The following PRKCE variants were observed in gnomAD, a reference collection of about 807,000 sequenced individuals.
The protein encoded by PRKCE is protein kinase C epsilon, also known as protein kinase C epsilon type.
A neutral mutation model predicts 85.4 loss-of-function variants in PRKCE; 16 were observed. The observed-to-expected ratio is 0.19, with a 90% CI of 0.13 to 0.28. The LOEUF (loss-of-function observed/expected upper bound fraction) is 0.28, where lower values mean the gene tolerates loss of function less well. Ranked by LOEUF, PRKCE falls within the 10% of genes least tolerant of loss-of-function variation. The pLI is 1.00. For missense variants in PRKCE, 573 were observed against 975.2 expected (o/e 0.59, Z 5.49); for synonymous variants, 388 against 371.5 (o/e 1.04, Z -0.51).
chr2:45,820,063 T>C (rs1689397627), intron 1 of PRKCE, among the ~76,000 whole-genome samples: 1 of 152,010 alleles, frequency 6.6e-6, no homozygotes, highest in Non-Finnish European at 1.5e-5. Context: ...CAGAGCAAAA[T>C]AAAGGAGGAT....
At chr2:46,086,624 T>C (rs1467279079) in intron 11 of PRKCE, among the ~76,000 whole-genome samples, 1 of 152,226 alleles carries the variant, frequency 6.6e-6, no homozygotes, top group Non-Finnish European at 1.5e-5. Context: ...AAAGGCTTGG[T>C]GCCAGGTGAC....
At chr2:45,820,980 C>T (rs936788564) in intron 1 of PRKCE, among the ~76,000 whole-genome samples, 1 of 151,960 alleles carries the variant, frequency 6.6e-6, no homozygotes, top group Non-Finnish European at 1.5e-5. Flanking sequence ...TTGGGTCTGG[C>T]GACAAATCAC....
chr2:45,791,478 A>G (rs1687026690), intron 1 of PRKCE, among the ~76,000 whole-genome samples: 1 of 152,174 alleles, frequency 6.6e-6, no homozygotes, highest in Non-Finnish European at 1.5e-5. Context: ...CAGGCTCAGC[A>G]TTACACTGTA....
chr2:45,817,066 A>AGTGAGT (rs1553419765), intron 1 of PRKCE, among the ~76,000 whole-genome samples: 1 of 135,788 alleles, frequency 7.4e-6, no homozygotes, highest in Non-Finnish European at 1.6e-5. Context: ...CTGTAAGTAG[A>AGTGAGT]GTGTGTGTGT....
At chr2:46,131,087 A>T (rs1321621781) in intron 11 of PRKCE, among the ~76,000 whole-genome samples, 1 of 152,226 alleles carries the variant, frequency 6.6e-6, no homozygotes, top group Non-Finnish European at 1.5e-5. Flanking sequence ...CCGGCTGGTG[A>T]CCACCAGCAA....
At chr2:45,848,492 G>A (rs916841147) in intron 2 of PRKCE, among the ~76,000 whole-genome samples, 1 of 152,060 alleles carries the variant, frequency 6.6e-6, no homozygotes, top group Non-Finnish European at 1.5e-5. Context: ...TGTATTTTTA[G>A]TAGAGACAGG....
intron 10 of PRKCE, among the ~76,000 whole-genome samples, chr2:46,080,648 T>C (rs1668982913): frequency 6.6e-6 from 1 of 152,178 alleles, no homozygotes; most frequent in Non-Finnish European, 1.5e-5. Flanking sequence ...CTCATGGTGC[T>C]CCCTGGAGTG....
intron 10 of PRKCE, among the ~76,000 whole-genome samples, chr2:46,057,722 A>G (rs1057415043): frequency 6.6e-6 from 1 of 152,056 alleles, no homozygotes; most frequent in African/African-American, 2.4e-5. Context: ...GAATGTCTAT[A>G]TGACCTTGTA....
At chr2:45,878,741 G>A (rs960245585) in intron 2 of PRKCE, among the ~76,000 whole-genome samples, 2 of 152,098 alleles carry the variant, frequency 1.3e-5, no homozygotes, top group Non-Finnish European at 2.9e-5. Flanking sequence ...AGAATAAAAA[G>A]CTTTAATACC....
chr2:45,936,445 C>T (rs1699463088), intron 2 of PRKCE, among the ~76,000 whole-genome samples: 1 of 152,146 alleles, frequency 6.6e-6, no homozygotes, highest in Non-Finnish European at 1.5e-5. Context: ...GCTTGGTGGC[C>T]GTGGGCCAAG....
intron 14 of PRKCE, among the ~76,000 whole-genome samples, chr2:46,176,328 A>G (rs1272211255): frequency 2.6e-5 from 4 of 152,032 alleles, no homozygotes; most frequent in African/African-American, 9.7e-5. Context: ...AAGCTCCCCC[A>G]GGTGACTCCA....
At position 45,652,400 on chromosome 2, in the gene PRKCE, C is replaced by A. The variant is rs1558527441; in HGVS notation, c.300C>A (p.Ile100=). 6.2e-7 allele frequency: 1 copy of A among 1,612,256 alleles called. No individual in the cohort carries two copies. Among genetic ancestry groups the A allele is most frequent in the South Asian group, 1.1e-5 (1 of 91,054 alleles). ...ACGACTTCGTGGCCAACTGCACCATCCAGTTTGAGGAGCTGCTGCAGAACG... is the reference window on the plus strand; with the variant it reads ...ACGACTTCGTGGCCAACTGCACCATACAGTTTGAGGAGCTGCTGCAGAACG... ...GYDDFVANCT[I]QFEELLQNGS... is the part of the protein sequence containing the mutation. Residue 100 remains isoleucine, a synonymous_variant, in exon 1 of 15, where the codon ATC becomes ATA. Coordinates refer to ENST00000306156, the MANE Select transcript of PRKCE (RefSeq NM_005400.3). This position sits in a 1 kb window ranked among gnomAD's most constrained non-coding sequence, Gnocchi z 7.7.
chr2:45,813,993 A>G (rs1280899701), intron 1 of PRKCE, among the ~76,000 whole-genome samples: 11 of 152,162 alleles, frequency 7.2e-5, no homozygotes, highest in Non-Finnish European at 1.5e-5. Flanking sequence ...AATCTCATAA[A>G]TTGACCTTAC....
chr2:45,974,495 T>A (rs902200954), intron 2 of PRKCE, among the ~76,000 whole-genome samples: 1 of 152,182 alleles, frequency 6.6e-6, no homozygotes, highest in Non-Finnish European at 1.5e-5. Context: ...GAGCCTGTGT[T>A]GAAGATGCAG....
intron 1 of PRKCE, among the ~76,000 whole-genome samples, chr2:45,744,473 C>CT (rs762908645): frequency 0.016 from 613 of 39,130 alleles, 11 homozygotes; most frequent in Non-Finnish European, 0.021. Context: ...TTCTTTCTTT[C>CT]TTTCTTTCTT....
intron 1 of PRKCE, among the ~76,000 whole-genome samples, chr2:45,684,943 G>A (rs111924961): frequency 7.6e-4 from 116 of 152,356 alleles, no homozygotes; most frequent in African/African-American, 2.7e-3. Flanking sequence ...GGAAGAGCTA[G>A]ATCCAGAGGG....
intron 10 of PRKCE, among the ~76,000 whole-genome samples, chr2:46,066,724 G>A (rs1667654577): frequency 1.3e-5 from 2 of 152,298 alleles, no homozygotes; most frequent in East Asian, 1.9e-4. Flanking sequence ...TTATAAGTAC[G>A]TGGGAACTAT....
chr2:45,948,420 G>T (rs1302808904), intron 2 of PRKCE, among the ~76,000 whole-genome samples: 1 of 152,252 alleles, frequency 6.6e-6, no homozygotes. Context: ...TGGGATGATC[G>T]CTTGAGGGCA....
chr2:45,687,762 T>C (rs1337230228), intron 1 of PRKCE, among the ~76,000 whole-genome samples: 1 of 152,210 alleles, frequency 6.6e-6, no homozygotes, highest in Non-Finnish European at 1.5e-5. Context: ...AGAAAGGTAT[T>C]CTCTAAATTT....
Sources: gnomAD v4.1 joint callset for allele counts (sites outside exome capture counted in the v4.1 genomes callset) on GRCh38, gnomAD v4.1.1 for gene constraint, Gnocchi (gnomAD v3.1) non-coding constraint, MANE v1.5 for transcripts, NCBI Gene and HGNC (gene_info 2026-07-23, HGNC 2026-07-21) for gene names.